Variants in API5 observed in about 807,000 individuals in gnomAD.
The protein encoded by API5 is apoptosis inhibitor 5.
In API5, 6 loss-of-function variants were observed where a neutral mutation model predicts 71.9. That is an observed-to-expected ratio of 0.08 (90% confidence interval 0.05 to 0.16). The LOEUF is 0.16. Among genes scored for constraint, API5 ranks in the 10% least tolerant of loss-of-function variants. API5 has a pLI of 1.00. For synonymous variants in API5, 189 were observed against 221.3 expected (o/e 0.85, Z 1.30); for missense variants, 332 against 612.8 (o/e 0.54, Z 4.84).
In API5 at chr11:43,312,068, C is replaced by A; in HGVS notation, c.-60C>A. 9 of 1,587,140 alleles carry A rather than the reference C, an allele frequency of 5.7e-6. No homozygotes were observed. Among genetic ancestry groups the A allele is most frequent in the Non-Finnish European group, 7.8e-6 (9 of 1,159,430 alleles). On this transcript the variant is annotated 5_prime_UTR_variant, in exon 1 of 14. Coordinates refer to ENST00000531273, the MANE Select transcript of API5 (RefSeq NM_001142930.2). ...TAGTGGGTTTGGAGAAGTTCCGAGG[C>A]GGCGGTGGCGCCGGTCAGGACAAGG...
intron 8 of API5, among the ~76,000 whole-genome samples, chr11:43,328,301 C>G (rs375744486): frequency 1.3e-5 from 2 of 152,106 alleles, no homozygotes; most frequent in African/African-American, 2.4e-5. Context: ...TATGGACTTA[C>G]GTTCAGAAAA....
At chr11:43,335,733 C>CT in intron 12 of API5, 125 bp from the exon 13 acceptor site, 2 of 1,136,686 alleles carry the variant, frequency 1.8e-6, no homozygotes, top group South Asian at 1.8e-5. Flanking sequence ...ATGTTAATTC[C>CT]TTTTTTCTGA....
intron 13 of API5, among the ~76,000 whole-genome samples, chr11:43,341,858 G>A (rs1380848617): frequency 6.6e-6 from 1 of 152,058 alleles, no homozygotes; most frequent in African/African-American, 2.4e-5. Context: ...GAAGAATTAA[G>A]TTTTTTAAAA....
chr11:43,321,612 C>G (rs1854893056), intron 4 of API5, 136 bp downstream of exon 4: 2 of 683,460 alleles, frequency 2.9e-6, no homozygotes, highest in Non-Finnish European at 4.6e-6. Context: ...TGAAAAAAGT[C>G]TCCTTAGGTC....
chr11:43,333,553 T>A (rs1855328327), intron 11 of API5, among the ~76,000 whole-genome samples: 1 of 152,076 alleles, frequency 6.6e-6, no homozygotes, highest in Non-Finnish European at 1.5e-5. Flanking sequence ...TTAATACAGA[T>A]AGATTACATT....
intron 11 of API5, among the ~76,000 whole-genome samples, chr11:43,332,822 G>A (rs1342184841): frequency 6.6e-6 from 1 of 152,120 alleles, no homozygotes. Flanking sequence ...TCTCCTCCCT[G>A]GAGGTGGGGT....
chr11:43,335,166 GCT>G, intron 11 of API5, 110 bp from the exon 12 acceptor site: 1 of 758,006 alleles, frequency 1.3e-6, no homozygotes, highest in Non-Finnish European at 2.3e-6. Context: ...GTTGCAGTAA[GCT>G]CTGTCTCCTA....
At chr11:43,325,433 G>A (rs1186036984) in intron 6 of API5, among the ~76,000 whole-genome samples, 4 of 152,210 alleles carry the variant, frequency 2.6e-5, no homozygotes, top group Non-Finnish European at 5.9e-5. Context: ...GCCCATTGCA[G>A]CAGATCAATT....
chr11:43,318,882 A>G (rs1156735682), intron 2 of API5, 81 bp downstream of exon 2: 3 of 1,368,142 alleles, frequency 2.2e-6, no homozygotes, highest in Non-Finnish European at 3.0e-6. Flanking sequence ...GCAATCTGAT[A>G]TATCAGAGTA....
intron 9 of API5, 148 bp downstream of exon 9, chr11:43,329,041 T>G: frequency 1.3e-6 from 1 of 780,696 alleles, no homozygotes; most frequent in South Asian, 1.9e-5. Context: ...GGCATGTTTG[T>G]AAACATATGA....
chr11:43,334,337 G>A (rs985364200), intron 11 of API5, among the ~76,000 whole-genome samples: 7 of 151,904 alleles, frequency 4.6e-5, no homozygotes, highest in Admixed American at 6.6e-5. Context: ...AAGATTTGCC[G>A]TTTCCTCTTC....
chr11:43,314,636 A>G (rs1854607869), intron 1 of API5, among the ~76,000 whole-genome samples: 1 of 152,210 alleles, frequency 6.6e-6, no homozygotes, highest in African/African-American at 2.4e-5. Flanking sequence ...TCTGTAGGTT[A>G]TGGGTGATCA....
At position 43,328,708 on chromosome 11, in the gene API5, T is replaced by C; in HGVS notation, c.946-4T>C. On this transcript the variant is annotated splice_polypyrimidine_tract_variant and splice_region_variant and intron_variant, in intron 8 of 13. Transcript: ENST00000531273. ...TGCAAAATCTGTATATTTTTCTCTCTTAGGAATACATGCCCCTCCCTCCAG... is the reference window on the plus strand; with the variant it reads ...TGCAAAATCTGTATATTTTTCTCTCCTAGGAATACATGCCCCTCCCTCCAG... 1.2e-6 allele frequency: 2 copies of C among 1,612,832 alleles called. No individual in the cohort carries two copies. Among genetic ancestry groups the C allele is most frequent in the Non-Finnish European group, 1.7e-6 (2 of 1,179,114 alleles).
chr11:43,337,072 C>T (rs1042925397), intron 13 of API5, among the ~76,000 whole-genome samples: 1 of 151,520 alleles, frequency 6.6e-6, no homozygotes, highest in Non-Finnish European at 1.5e-5. Context: ...ACATGTAAAC[C>T]CAACACTTTC....
chr11:43,320,788 ATTTGGTTAATT>A, intron 2 of API5, 22 bp from the exon 3 acceptor site: 1 of 1,500,682 alleles, frequency 6.7e-7, no homozygotes. Flanking sequence ...AGGTGATAGT[ATTTGGTTAATT>A]TTTGTTTGAA....
Position 43,321,486 on chromosome 11 carries a change from G to A in API5, c.391+10G>A. 1 of 1,591,588 alleles carries A rather than the reference G, an allele frequency of 6.3e-7. No individual in the cohort carries two copies. Among genetic ancestry groups the A allele is most frequent in the South Asian group, 1.1e-5 (1 of 89,486 alleles). On this transcript the variant is annotated intron_variant, in intron 4 of 13. Transcript: ENST00000531273. ...AAAATGGATGCAAAAGGTAAGGCCA[G>A]TTCTTATTCTGAATTGTGTTTGATG...
At chr11:43,330,641 A>AT in intron 11 of API5, 77 bp downstream of exon 11, 1 of 1,174,334 alleles carries the variant, frequency 8.5e-7, no homozygotes, top group Admixed American at 2.1e-5. Flanking sequence ...GTTTTGCATA[A>AT]GATACTTCCA....
chr11:43,324,071 G>A (rs1221871843), intron 6 of API5, among the ~76,000 whole-genome samples: 1 of 152,088 alleles, frequency 6.6e-6, no homozygotes, highest in Non-Finnish European at 1.5e-5. Context: ...ATGCTGGAGT[G>A]CAGTGGCACG....
chr11:43,313,639 A>C (rs1362458017), intron 1 of API5, among the ~76,000 whole-genome samples: 2 of 152,232 alleles, frequency 1.3e-5, no homozygotes, highest in Non-Finnish European at 2.9e-5. Flanking sequence ...AGAATTAAGA[A>C]TATACCAGTT....
Sources: gnomAD v4.1 joint callset for allele counts (sites outside exome capture counted in the v4.1 genomes callset) on GRCh38, gnomAD v4.1.1 for gene constraint, MANE v1.5 for transcripts, NCBI Gene and HGNC (gene_info 2026-07-23, HGNC 2026-07-21) for gene names.